Variants in CFH observed in about 807,000 individuals in gnomAD.
CFH encodes the protein H factor 1 (complement).
A neutral mutation model predicts 147.3 loss-of-function variants in CFH; 53 were observed. The observed-to-expected ratio is 0.36, with a 90% CI of 0.29 to 0.45. The LOEUF (loss-of-function observed/expected upper bound fraction) is 0.45, where lower values mean the gene tolerates loss of function less well. Ranked by LOEUF, CFH falls within the 20% of genes least tolerant of loss-of-function variation. CFH has a pLI of 1.00. For missense variants in CFH, 1,380 were observed against 1,498.0 expected (o/e 0.92, Z 1.30); for synonymous variants, 536 against 489.4 (o/e 1.10, Z -1.26).
intron 11 of CFH, among the ~76,000 whole-genome samples, chr1:196,723,232 G>A (rs1031879649): frequency 2.6e-5 from 4 of 152,020 alleles, no homozygotes; most frequent in Admixed American, 6.6e-5. Context: ...GTTTCCAACA[G>A]ACAGGATTTT....
At chr1:196,701,194 A>G (rs1668438213) in intron 9 of CFH, 8 of 1,331,922 alleles carry the variant, frequency 6.0e-6, no homozygotes, top group African/African-American at 4.3e-5. Flanking sequence ...CTAGTGGAAG[A>G]AATTACTAAC....
chr1:196,681,307 T>C (rs1043545719), intron 6 of CFH, among the ~76,000 whole-genome samples: 1 of 151,816 alleles, frequency 6.6e-6, no homozygotes, highest in Non-Finnish European at 1.5e-5. Flanking sequence ...CATTACTACC[T>C]CATTGTAGTC....
chr1:196,724,976 T>G, intron 11 of CFH, 145 bp from the exon 12 acceptor site: 1 of 642,124 alleles, frequency 1.6e-6, no homozygotes, highest in Non-Finnish European at 2.8e-6. Context: ...AAACATAATA[T>G]GTAGCATTCT....
intron 9 of CFH, among the ~76,000 whole-genome samples, chr1:196,691,389 C>T (rs1668019114): frequency 6.6e-6 from 1 of 152,014 alleles, no homozygotes; most frequent in Non-Finnish European, 1.5e-5. Flanking sequence ...TTCCAACATA[C>T]ATTTATATCA....
chr1:196,708,625 C>T (rs945216421), intron 9 of CFH, among the ~76,000 whole-genome samples: 4 of 151,962 alleles, frequency 2.6e-5, no homozygotes, highest in African/African-American at 9.7e-5. Context: ...AAAAATCCAT[C>T]AATAAATGCA....
At chr1:196,698,497 A>G (rs951310682) in intron 9 of CFH, among the ~76,000 whole-genome samples, 1 of 152,198 alleles carries the variant, frequency 6.6e-6, no homozygotes, top group Non-Finnish European at 1.5e-5. Context: ...TCCTGGACAC[A>G]TACACGCTCC....
At chr1:196,746,120 A>G (rs1652995796) in intron 21 of CFH, 121 bp downstream of exon 21, 3 of 1,556,470 alleles carry the variant, frequency 1.9e-6, no homozygotes, top group East Asian at 2.3e-5. Flanking sequence ...TTGCCTACCA[A>G]ATATTTCTGT....
At chr1:196,676,844 A>G (rs1667474102) in intron 4 of CFH, 1 of 152,274 alleles carries the variant, frequency 6.6e-6, no homozygotes. Flanking sequence ...ATGCTTGTTA[A>G]AAACTAAAAT....
At chr1:196,713,526 C>G (rs892660525) in intron 9 of CFH, among the ~76,000 whole-genome samples, 3 of 152,016 alleles carry the variant, frequency 2.0e-5, no homozygotes, top group African/African-American at 4.8e-5. Flanking sequence ...TTAAATAGAG[C>G]CTTGTTTTAA....
chr1:196,697,889 C>T (rs560036202), intron 9 of CFH, among the ~76,000 whole-genome samples: 3 of 151,270 alleles, frequency 2.0e-5, no homozygotes, highest in East Asian at 3.9e-4. Flanking sequence ...TCATTCTCAG[C>T]AAACTATGGC....
chr1:196,725,059 TA>T, intron 11 of CFH, 61 bp from the exon 12 acceptor site: 2 of 1,425,450 alleles, frequency 1.4e-6, no homozygotes, highest in Non-Finnish European at 1.9e-6. Context: ...GTGGCATATG[TA>T]AAATTAACTT....
intron 9 of CFH, among the ~76,000 whole-genome samples, chr1:196,706,840 A>G (rs1438087776): frequency 6.6e-6 from 1 of 152,192 alleles, no homozygotes; most frequent in African/African-American, 2.4e-5. Context: ...GTGCAGGGCT[A>G]TTAGAGGACT....
chr1:196,724,353 G>A (rs1368709117), intron 11 of CFH, among the ~76,000 whole-genome samples: 1 of 152,052 alleles, frequency 6.6e-6, no homozygotes, highest in Admixed American at 6.6e-5. Flanking sequence ...ACCTACCACT[G>A]CAGCTCAGGC....
At chr1:196,691,720 C>A (rs1189026366) in intron 9 of CFH, among the ~76,000 whole-genome samples, 1 of 151,424 alleles carries the variant, frequency 6.6e-6, no homozygotes, top group Non-Finnish European at 1.5e-5. Flanking sequence ...TTTTTCTTTC[C>A]TTTTTTCTGC....
intron 9 of CFH, among the ~76,000 whole-genome samples, chr1:196,695,131 T>A (rs1035312621): frequency 7.2e-5 from 11 of 152,248 alleles, no homozygotes; most frequent in African/African-American, 1.4e-4. Context: ...ATGGTTTTTA[T>A]GGTTTTAGGT....
At chr1:196,680,230 A>T (rs961241153) in intron 6 of CFH, among the ~76,000 whole-genome samples, 7 of 151,556 alleles carry the variant, frequency 4.6e-5, no homozygotes, top group African/African-American at 1.7e-4. Context: ...CTGACAATGG[A>T]ATTAAGTTGA....
rs397961393 is a variant in CFH at position 196,656,701 on chromosome 1, T to TC, written c.58+4527dup. Among the ~76,000 whole-genome samples, 3 of 150,086 alleles carry TC rather than the reference T, an allele frequency of 2.0e-5. No homozygotes were observed. In the South Asian group the frequency reaches 6.3e-4, roughly 32 times the overall value. On this transcript the variant is annotated intron_variant, in intron 1 of 21. Transcript: ENST00000367429. ...TGTGTGTTGCGTTTTTTTTTTTTTT[T>TC]CTCTATTTTCAGGGTCCTAATTGTA...
chr1:196,693,494 G>T (rs768482743), intron 9 of CFH, among the ~76,000 whole-genome samples: 1 of 152,080 alleles, frequency 6.6e-6, no homozygotes, highest in Non-Finnish European at 1.5e-5. Flanking sequence ...ATGATTAATA[G>T]TATAAAACCC....
rs532208871 is a variant in CFH, at chr1:196,737,943, G to A, written c.2782+283G>A. On this transcript the variant is annotated intron_variant, in intron 17 of 21. Transcript: ENST00000367429. Reference sequence around the variant, plus strand: ...TGCCATAAAGAACTGCCCAATACTGGATAATTTATACATACAAAAAAAGGT... The same window carrying A: ...TGCCATAAAGAACTGCCCAATACTGAATAATTTATACATACAAAAAAAGGT... Among the ~76,000 whole-genome samples the A allele has an allele frequency of 1.5e-4, 23 of 152,124 alleles. No individual in the cohort carries two copies. The East Asian group carries it at 4.2e-3, about 28-fold the overall frequency.
Sources: allele counts gnomAD v4.1 joint callset (sites outside exome capture counted in the v4.1 genomes callset), GRCh38; gene constraint gnomAD v4.1.1; transcripts MANE v1.5; gene names NCBI Gene and HGNC (gene_info 2026-07-23, HGNC 2026-07-21).